The following EYA1 variants were observed in gnomAD, a reference collection of about 807,000 sequenced individuals.
The protein encoded by EYA1 is protein phosphatase EYA1.
In EYA1, 16 loss-of-function variants were observed where a neutral mutation model predicts 82.0. The ratio of observed to expected loss-of-function variants is 0.20; its 90% CI spans 0.13 to 0.30. EYA1 has a LOEUF of 0.30. Among genes scored for constraint, EYA1 ranks in the 10% least tolerant of loss-of-function variants. The pLI, the probability that EYA1 is intolerant of heterozygous loss-of-function variation, is 1.00. For missense variants in EYA1, 633 were observed against 730.7 expected, an observed-to-expected ratio of 0.87 and a Z score of 1.54; for synonymous variants, 261 against 264.4, an observed-to-expected ratio of 0.99 and a Z score of 0.12.
At chr8:71,381,226 T>C (rs922876797) in intron 2 of EYA1, among the ~76,000 whole-genome samples, 6 of 152,222 alleles carry the variant, frequency 3.9e-5, no homozygotes, top group Admixed American at 2.6e-4. Flanking sequence ...CAAGCACCTT[T>C]ACTTATGTTG....
chr8:71,489,119 A>T (rs532671600), intron 2 of EYA1, among the ~76,000 whole-genome samples: 1 of 152,176 alleles, frequency 6.6e-6, no homozygotes, highest in Non-Finnish European at 1.5e-5. Context: ...TATGTGACGG[A>T]TGCTGTTAAT....
chr8:71,213,751 A>G (rs532990223), intron 16 of EYA1, among the ~76,000 whole-genome samples: 1 of 152,366 alleles, frequency 6.6e-6, no homozygotes, highest in Admixed American at 6.5e-5. Context: ...CTTCCAATGC[A>G]ACACTGATAA....
chr8:71,391,114 C>T (rs1262342633), intron 2 of EYA1, among the ~76,000 whole-genome samples: 6 of 152,156 alleles, frequency 3.9e-5, no homozygotes, highest in Non-Finnish European at 7.3e-5. Flanking sequence ...ACTAGGACTA[C>T]AGGTGTGTGC....
intron 2 of EYA1, among the ~76,000 whole-genome samples, chr8:71,452,377 T>A (rs113917314): frequency 0.01 from 1,574 of 152,294 alleles, 13 homozygotes; most frequent in Non-Finnish European, 0.015. Context: ...AGCAGAAACC[T>A]CTGCAGACTT....
chr8:71,289,300 A>T (rs1260350804), intron 9 of EYA1, among the ~76,000 whole-genome samples: 1 of 152,234 alleles, frequency 6.6e-6, no homozygotes, highest in African/African-American at 2.4e-5. Flanking sequence ...CAAGATATCC[A>T]CAAACTGCTT....
chr8:71,431,912 G>A (rs999882632), intron 2 of EYA1, among the ~76,000 whole-genome samples: 9 of 152,086 alleles, frequency 5.9e-5, no homozygotes, highest in African/African-American at 1.7e-4. Context: ...TGTCAAGATG[G>A]GACCCTTCCA....
At chr8:71,272,613 GAAC>G (rs1361407429) in intron 9 of EYA1, among the ~76,000 whole-genome samples, 1 of 152,048 alleles carries the variant, frequency 6.6e-6, no homozygotes, top group Non-Finnish European at 1.5e-5. Context: ...ACAAAATAAA[GAAC>G]AACCCCCAAA....
At position 71,215,426 on chromosome 8, in the gene EYA1, C is replaced by T; in HGVS notation, c.1558G>A (p.Val520Ile). The T allele has an allele frequency of 1.2e-6, 2 of 1,612,514 alleles. No homozygotes were observed. The highest frequency in any genetic ancestry group is 1.7e-6 in the Non-Finnish European group (2 of 1,178,500). ...AKVLLYGLGI[V>I]FPIENIYSAT... The stretch of plus-strand genomic sequence containing the variant: ...CTGTAAATATTTTCTATTGGAAATA[C>T]AATTCCTAACCCATACAGCAGGACT... The change falls in exon 16 of 18, where the codon GTA (valine) becomes ATA (isoleucine). Residue 520 changes from valine to isoleucine, a missense_variant. By Grantham distance (29) the Val-to-Ile change is conservative. Coordinates refer to ENST00000340726, the MANE Select transcript of EYA1 (RefSeq NM_000503.6).
intron 2 of EYA1, among the ~76,000 whole-genome samples, chr8:71,451,346 A>G (rs958307669): frequency 2.0e-5 from 3 of 152,240 alleles, no homozygotes; most frequent in Admixed American, 6.5e-5. Context: ...AATGGATTAA[A>G]TATTATACTG....
chr8:71,314,112 A>C (rs1207216513), intron 7 of EYA1, among the ~76,000 whole-genome samples: 1 of 152,224 alleles, frequency 6.6e-6, no homozygotes, highest in Non-Finnish European at 1.5e-5. Flanking sequence ...ATAAGATGAA[A>C]TTGATAAAAG....
chr8:71,400,911 A>G (rs1390811508), intron 2 of EYA1, among the ~76,000 whole-genome samples: 6 of 152,230 alleles, frequency 3.9e-5, no homozygotes, highest in Non-Finnish European at 8.8e-5. Context: ...GATAGAATGG[A>G]TAAAGGAAAT....
intron 2 of EYA1, among the ~76,000 whole-genome samples, chr8:71,384,818 T>C (rs917152814): frequency 1.3e-5 from 2 of 152,168 alleles, no homozygotes; most frequent in African/African-American, 4.8e-5. Flanking sequence ...GAAATGCATC[T>C]TACTCTTGAA....
chr8:71,205,172 C>A (rs1028956090), intron 17 of EYA1, among the ~76,000 whole-genome samples: 1 of 152,070 alleles, frequency 6.6e-6, no homozygotes, highest in African/African-American at 2.4e-5. Flanking sequence ...TTTAATGACG[C>A]CTTTCTCACT....
At chr8:71,487,198 T>A (rs1810638486) in intron 2 of EYA1, among the ~76,000 whole-genome samples, 1 of 152,028 alleles carries the variant, frequency 6.6e-6, no homozygotes, top group African/African-American at 2.4e-5. Flanking sequence ...CAGAAAAGCA[T>A]CTCAGATGTA....
In EYA1 at chr8:71,244,769, C is replaced by G; in HGVS notation, c.1051-77G>C. On this transcript the variant is annotated intron_variant, in intron 11 of 17. Coordinates refer to ENST00000340726, the MANE Select transcript of EYA1 (RefSeq NM_000503.6). ...AAGAGAGTGTCTCATTAAGAGGAAG[C>G]AGGCATTGGGAGAGGCTGAAAGCAA... 4.6e-6 allele frequency: 4 copies of G among 877,902 alleles called. 1 individual carries two copies. Among genetic ancestry groups the G allele is most frequent in the South Asian group, 4.3e-5 (3 of 69,194 alleles). 54.4% of individuals were successfully genotyped at this position (877,902 alleles called of 1,614,324 possible). A position where few individuals can be genotyped will look rare whatever the true frequency, so the allele number is the denominator to read the frequency against.
intron 11 of EYA1, among the ~76,000 whole-genome samples, chr8:71,268,922 T>C (rs1418477239): frequency 1.3e-5 from 2 of 152,206 alleles, no homozygotes; most frequent in Non-Finnish European, 2.9e-5. Flanking sequence ...ATAATAAGAA[T>C]TCAGTCTCTA....
chr8:71,442,885 A>G (rs760467859), intron 2 of EYA1, among the ~76,000 whole-genome samples: 2 of 152,204 alleles, frequency 1.3e-5, no homozygotes, highest in Non-Finnish European at 2.9e-5. Flanking sequence ...ACTTTTCTTT[A>G]TGTGTATTAC....
At chr8:71,547,820 C>G (rs1164670844) in intron 1 of EYA1, 1 of 150,766 alleles carries the variant, frequency 6.6e-6, no homozygotes, top group East Asian at 2.0e-4. Context: ...GGGGAGCGGG[C>G]GCGGGGGACC....
chr8:71,362,317 C>T (rs1049529132), upstream of EYA1: 3 of 556,794 alleles, frequency 5.4e-6, no homozygotes. Flanking sequence ...TGAACGCGCC[C>T]CACGCTATCT....
Sources: gnomAD v4.1 joint callset for allele counts (sites outside exome capture counted in the v4.1 genomes callset) on GRCh38, gnomAD v4.1.1 for gene constraint, MANE v1.5 for transcripts, NCBI Gene and HGNC (gene_info 2026-07-23, HGNC 2026-07-21) for gene names.